Variants in PECR observed in about 807,000 individuals in gnomAD.
PECR encodes 2,4-dienoyl-CoA reductase-related protein.
Under a neutral mutation model 35.3 loss-of-function variants are expected in PECR, and 30 were observed. The observed-to-expected ratio is 0.85, with a 90% CI of 0.64 to 1.15. The LOEUF is 1.15. PECR is among the 50% of genes most tolerant of loss of function. The pLI, the probability that PECR is intolerant of heterozygous loss-of-function variation, is 0.00. For synonymous variants in PECR, 148 were observed against 138.9 expected, an observed-to-expected ratio of 1.07 and a Z score of -0.46; for missense variants, 392 against 370.8, an observed-to-expected ratio of 1.06 and a Z score of -0.47.
chr2:216,064,873 G>A lies in PECR; in HGVS notation c.424+439C>T, dbSNP rs192338244. Among the ~76,000 whole-genome samples the A allele has an allele frequency of 5.9e-5, 9 of 152,256 alleles. 1 individual carries two copies. Among genetic ancestry groups the A allele is most frequent in the African/African-American group, 1.7e-4 (7 of 41,548 alleles). ...CAGGAGTTCAGTACTAACCACCCAC[G>A]AAACATGACCTTTAATCCAAAGACT... On this transcript the variant is annotated intron_variant, in intron 3 of 7. Transcript: ENST00000265322.
chr2:216,035,256 C>T (rs1694774866), downstream of PECR, among the ~76,000 whole-genome samples: 1 of 152,178 alleles, frequency 6.6e-6, no homozygotes, highest in Non-Finnish European at 1.5e-5. Context: ...GACTGCTTCA[C>T]AGGAGTGCTA....
In PECR at chr2:216,079,151, CTTTTTT is replaced by C. The variant is rs77646025; in HGVS notation, c.124+2461_124+2466del. 7.6e-4 allele frequency among the ~76,000 whole-genome samples: 76 copies of C among 99,400 alleles called. 1 individual carries two copies. The highest frequency in any genetic ancestry group is 2.3e-3 in the African/African-American group (71 of 30,432). The allele number at this position is 99,400 out of a possible 152,430, so 65.2% of individuals were successfully genotyped here. On this transcript the variant is annotated intron_variant, in intron 1 of 7. Transcript: ENST00000265322. ...ATGGCCTTACTAGGAAATGTTTTTG[CTTTTTT>C]TTTTTTTTTTAACTAAAAACATAGA...
chr2:216,038,868 G>A lies in PECR; in HGVS notation c.*407C>T, dbSNP rs756121155. 9.5e-6 allele frequency: 2 copies of A among 210,830 alleles called. No individual in the cohort carries two copies. Among genetic ancestry groups the A allele is most frequent in the South Asian group, 1.4e-4 (2 of 14,744 alleles). 13.1% of individuals were successfully genotyped at this position (210,830 alleles called of 1,614,324 possible). A position where few individuals can be genotyped will look rare whatever the true frequency, so the allele number is the denominator to read the frequency against. On this transcript the variant is annotated 3_prime_UTR_variant, in exon 8 of 8. Transcript: ENST00000265322. ...TTGAACTCCTGACCTCAACTGACCC[G>A]CCTACCTCGGCCTCCCAAAGTGCTG...
At chr2:216,031,647 AAAAGAAAGAAAGAAAGAAAGAAAG>A (rs200929112) in intron 7 of PECR, among the ~76,000 whole-genome samples, 28 of 97,990 alleles carry the variant, frequency 2.9e-4, no homozygotes, top group African/African-American at 9.7e-4. Flanking sequence ...AAGGAAGAAG[AAAAGAAAGAAAGAAAGAAAGAAAG>A]AAAGAAAGAA....
intron 1 of PECR, among the ~76,000 whole-genome samples, chr2:216,077,003 C>T (rs967799302): frequency 1.4e-5 from 2 of 146,358 alleles, no homozygotes; most frequent in Non-Finnish European, 3.0e-5. Context: ...CCGGGTTCAG[C>T]GATTCTCCTG....
chr2:216,077,141 G>T (rs140846121), intron 1 of PECR, among the ~76,000 whole-genome samples: 13,710 of 151,948 alleles, frequency 0.09, 1,143 homozygotes, highest in African/African-American at 0.22. Context: ...TCAGGTGGCC[G>T]CCCACCTCGG....
intron 1 of PECR, among the ~76,000 whole-genome samples, chr2:216,067,616 G>C (rs1695493213): frequency 6.6e-6 from 1 of 151,430 alleles, no homozygotes; most frequent in Non-Finnish European, 1.5e-5. Context: ...GGGTGCAGTG[G>C]CATGATCTCA....
downstream of PECR, chr2:216,033,758 A>T (rs565938819): frequency 2.0e-5 from 3 of 152,280 alleles, no homozygotes; most frequent in African/African-American, 4.8e-5. Flanking sequence ...AAATCTTAAG[A>T]CTCTGACTCC....
At chr2:216,052,342 T>C (rs1695131610) in intron 4 of PECR, among the ~76,000 whole-genome samples, 1 of 152,358 alleles carries the variant, frequency 6.6e-6, no homozygotes, top group Non-Finnish European at 1.5e-5. Context: ...GTATTTGAAA[T>C]CAGCTGGTAA....
Position 216,065,409 on chromosome 2 carries a change from T to C in PECR, c.327A>G (p.Gly109=). 3 of 1,607,514 alleles carry C rather than the reference T, an allele frequency of 1.9e-6. No homozygotes were observed. The highest frequency in any genetic ancestry group is 2.6e-6 in the Non-Finnish European group (3 of 1,173,940). Residue 109 remains glycine (G), a synonymous_variant, in exon 3 of 8, where the codon GGA becomes GGG. Transcript: ENST00000265322. Reference sequence around the variant, plus strand: ...GTTCAGCAGGGGAAAGAAACTGGCCTCCTCCATTGTTCACCAAGAAATTGA... The same window carrying C: ...GTTCAGCAGGGGAAAGAAACTGGCCCCCTCCATTGTTCACCAAGAAATTGA... The part of the protein sequence containing the change: ...GKINFLVNNG[G]GQFLSPAEHI...
At chr2:216,066,340 C>A (rs1264312754) in intron 2 of PECR, 45 bp downstream of exon 2, 4 of 1,563,998 alleles carry the variant, frequency 2.6e-6, no homozygotes, top group Non-Finnish European at 2.6e-6. Flanking sequence ...AACACTACTG[C>A]AAATTACAAT....
In PECR at chr2:216,066,391, C is replaced by T. The variant is rs781463968; in HGVS notation, c.252G>A (p.Glu84=). Residue 84 remains glutamate (E), a synonymous_variant, in exon 2 of 8, where the codon GAG becomes GAA. Coordinates refer to ENST00000265322, the MANE Select transcript of PECR (RefSeq NM_018441.6). The part of the protein sequence containing the change: ...VIPIQCNIRN[E]EEVNNLVKST... ...ACAGATATATCTCCATTACCTCCTC[C>T]TCATTCCGGATGTTGCATTGTATGG... 1 of 1,612,894 alleles carries T rather than the reference C, an allele frequency of 6.2e-7. No individual in the cohort carries two copies. Among genetic ancestry groups the T allele is most frequent in the Non-Finnish European group, 8.5e-7 (1 of 1,178,850 alleles).
chr2:216,045,130 C>T (rs1694966933), intron 6 of PECR, among the ~76,000 whole-genome samples: 1 of 152,172 alleles, frequency 6.6e-6, no homozygotes, highest in Non-Finnish European at 1.5e-5. Context: ...GGAGTGGGTC[C>T]TTAAATTTTG....
intron 7 of PECR, among the ~76,000 whole-genome samples, chr2:216,029,429 G>A (rs139281354): frequency 2.0e-3 from 301 of 152,052 alleles, no homozygotes; most frequent in African/African-American, 7.1e-3. Context: ...AGTGAGCTGA[G>A]ATCACGCCAC....
chr2:216,033,653 G>C (rs571748399), downstream of PECR: 21 of 152,472 alleles, frequency 1.4e-4, no homozygotes, highest in African/African-American at 4.1e-4. Context: ...AAGTCTGAAG[G>C]CTGCAGACAA....
intron 1 of PECR, among the ~76,000 whole-genome samples, chr2:216,071,704 C>A (rs1006544248): frequency 6.6e-6 from 1 of 152,188 alleles, no homozygotes; most frequent in African/African-American, 2.4e-5. Context: ...TCAACAACTC[C>A]TGGGGCTACA....
chr2:216,042,011 G>A (rs1024489719), intron 7 of PECR, among the ~76,000 whole-genome samples: 1 of 152,210 alleles, frequency 6.6e-6, no homozygotes, highest in Non-Finnish European at 1.5e-5. Flanking sequence ...TGAGTTGTGT[G>A]AGCTGCTCTA....
intron 7 of PECR, among the ~76,000 whole-genome samples, chr2:216,029,581 C>G (rs1166230389): frequency 6.6e-6 from 1 of 152,214 alleles, no homozygotes; most frequent in African/African-American, 2.4e-5. Context: ...GGCCCTTGGG[C>G]TTGAAGAACT....
intron 7 of PECR, 44 bp downstream of exon 7, chr2:216,043,860 G>T: frequency 9.9e-7 from 1 of 1,011,182 alleles, no homozygotes; most frequent in South Asian, 1.3e-5. Context: ...CCCTGAACAT[G>T]ACACAGCATA....
Sources: allele counts gnomAD v4.1 joint callset (sites outside exome capture counted in the v4.1 genomes callset), GRCh38; gene constraint gnomAD v4.1.1; transcripts MANE v1.5; gene names NCBI Gene and HGNC (gene_info 2026-07-23, HGNC 2026-07-21).